Variants in MORC2 observed in about 807,000 individuals in gnomAD.
The protein encoded by MORC2 is ATPase MORC2.
In MORC2, 30 loss-of-function variants were observed where a neutral mutation model predicts 136.0. The ratio of observed to expected loss-of-function variants is 0.22; its 90% CI spans 0.17 to 0.30. The LOEUF is 0.30. MORC2 is among the 10% of genes least tolerant of loss of function. The pLI, the probability that MORC2 is intolerant of heterozygous loss-of-function variation, is 1.00. For missense variants in MORC2, 922 were observed against 1,333.1 expected (o/e 0.69, Z 4.80); for synonymous variants, 439 against 487.0 (o/e 0.90, Z 1.30).
chr22:30,957,174 T>A (rs2040979307), intron 2 of MORC2, among the ~76,000 whole-genome samples: 1 of 152,250 alleles, frequency 6.6e-6, no homozygotes, highest in Admixed American at 6.5e-5. Flanking sequence ...GATGTTCCAA[T>A]AACTTGTCCA....
At chr22:30,952,141 C>T (rs2040897408) in intron 3 of MORC2, among the ~76,000 whole-genome samples, 1 of 152,066 alleles carries the variant, frequency 6.6e-6, no homozygotes, top group Admixed American at 6.5e-5. Context: ...AGAATAAGTA[C>T]AATAAAAGTC....
intron 1 of MORC2, chr22:30,967,399 TTC>T (rs1260707380): frequency 6.1e-6 from 6 of 987,444 alleles, no homozygotes; most frequent in Non-Finnish European, 7.2e-6. Context: ...TTTAAATGTC[TTC>T]TGTTTTCTTG....
At chr22:30,949,963 C>G in intron 4 of MORC2, 121 bp from the exon 5 acceptor site, 1 of 849,486 alleles carries the variant, frequency 1.2e-6, no homozygotes, top group Non-Finnish European at 1.8e-6. Flanking sequence ...AAACCTCTCT[C>G]CAAGGAAATT....
At chr22:30,954,753 G>A (rs1388758734) in intron 3 of MORC2, among the ~76,000 whole-genome samples, 1 of 152,130 alleles carries the variant, frequency 6.6e-6, no homozygotes, top group Non-Finnish European at 1.5e-5. Context: ...TTTAAAAAAC[G>A]TCTTCCAAGT....
intron 3 of MORC2, among the ~76,000 whole-genome samples, chr22:30,955,866 C>T (rs1302629570): frequency 2.0e-5 from 3 of 151,800 alleles, no homozygotes; most frequent in Non-Finnish European, 2.9e-5. Flanking sequence ...AAAAATTAGC[C>T]GGGTGTGGTG....
chr22:30,967,640 G>A, intron 1 of MORC2, 182 bp downstream of exon 1: 1 of 1,385,928 alleles, frequency 7.2e-7, no homozygotes, highest in Non-Finnish European at 9.3e-7. Context: ...TTCTGGATTA[G>A]CAACAAGTAT....
At chr22:30,938,318 G>C in intron 12 of MORC2, 113 bp from the exon 13 acceptor site, 1 of 1,240,286 alleles carries the variant, frequency 8.1e-7, no homozygotes, top group Non-Finnish European at 1.1e-6. Flanking sequence ...CAAAAGTTTT[G>C]TATCTCTATT....
chr22:30,944,902 C>T (rs1473803818), intron 6 of MORC2, among the ~76,000 whole-genome samples: 3 of 152,240 alleles, frequency 2.0e-5, no homozygotes, highest in Non-Finnish European at 2.9e-5. Flanking sequence ...CCTAACCTTT[C>T]CAACCCAATC....
At chr22:30,967,206 A>G in intron 1 of MORC2, 2 of 985,618 alleles carry the variant, frequency 2.0e-6, no homozygotes, top group Middle Eastern at 5.2e-4. Flanking sequence ...TCCTTCATGA[A>G]CTCAAGAACC....
Position 30,937,486 on chromosome 22 carries a change from T to C in MORC2, c.1498+97A>G. ...GGATCCCTAGGGGACTGTAAGTCCA[T>C]GAATGTCAGTCAAGTTAGGAGGCTG... On this transcript the variant is annotated intron_variant, in intron 15 of 25. Transcript: ENST00000397641. This position sits in a 1 kb window ranked among gnomAD's most constrained non-coding sequence, Gnocchi z 4.7. 2.6e-6 allele frequency: 4 copies of C among 1,530,578 alleles called. 1 individual carries two copies. Among genetic ancestry groups the C allele is most frequent in the Non-Finnish European group, 3.5e-6 (4 of 1,135,690 alleles). 94.8% of individuals were successfully genotyped at this position (1,530,578 alleles called of 1,614,324 possible).
At chr22:30,950,337 G>GCGGGGGGGGGCCCCCC in intron 4 of MORC2, 40 bp downstream of exon 4, 1 of 761,758 alleles carries the variant, frequency 1.3e-6, no homozygotes, top group East Asian at 2.5e-5. Context: ...TGGTTACATC[G>GCGGGGGGGGGCCCCCC]CACCCCCCCA....
chr22:30,961,812 A>G (rs1010701259), intron 1 of MORC2, among the ~76,000 whole-genome samples: 1 of 152,196 alleles, frequency 6.6e-6, no homozygotes, highest in African/African-American at 2.4e-5. Flanking sequence ...TTAGCAATAC[A>G]TATTTTCCGA....
Position 30,934,846 on chromosome 22 carries a change from G to A in MORC2, c.2128C>T (p.Pro710Ser), listed in dbSNP as rs780648306. ...GGAGTCTTGATGACTTTGGGAGAAG[G>A]AACCTCCCGAGGGCTCTTGGAGTTG... The part of the protein sequence containing the change: ...LPNSKSPREV[P>S]SPKVIKTPVV... Residue 710 changes from proline to serine, a missense_variant, in exon 19 of 26, where the codon CCT becomes TCT. Pro to Ser is a moderately conservative substitution (Grantham distance 74). Transcript: ENST00000397641. The surrounding 1 kb of genome is among the most constrained non-coding windows in gnomAD (Gnocchi z 4.4). The A allele has an allele frequency of 1.2e-5, 20 of 1,614,042 alleles. No individual in the cohort carries two copies. In the Admixed American group the frequency reaches 2.8e-4, roughly 23 times the overall value.
chr22:30,940,523 T>C (rs1172873353), intron 10 of MORC2, among the ~76,000 whole-genome samples: 1 of 152,140 alleles, frequency 6.6e-6, no homozygotes, highest in Non-Finnish European at 1.5e-5. Context: ...GCCAAAGAGC[T>C]GACACTTTTA....
chr22:30,936,796 C>T (rs2147253440), intron 16 of MORC2, 136 bp downstream of exon 16: 2 of 1,285,904 alleles, frequency 1.6e-6, no homozygotes, highest in Admixed American at 4.2e-5. Flanking sequence ...GCAGGACATA[C>T]ATCTATTTTT....
Position 30,949,771 on chromosome 22 carries a change from A to C in MORC2, c.298T>G (p.Tyr100Asp). Reference protein sequence around the residue: ...RTPESTQIGQYGNGLKSGSMR... With the variant: ...RTPESTQIGQDGNGLKSGSMR... ...ACCTACGATTTTAACCCATTCCCGT[A>C]CTGCCCAATCTGAGTAGACTCAGGT... The change falls in exon 5 of 26, where the codon TAC (tyrosine) becomes GAC (aspartate). Residue 100 changes from tyrosine (Y) to aspartate (D), a missense_variant. Coordinates refer to ENST00000397641, the MANE Select transcript of MORC2 (RefSeq NM_001303256.3). 1 of 1,614,186 alleles carries C rather than the reference A, an allele frequency of 6.2e-7. No individual in the cohort carries two copies. The highest frequency in any genetic ancestry group is 8.5e-7 in the Non-Finnish European group (1 of 1,180,010).
At chr22:30,955,450 A>C (rs117928794) in intron 3 of MORC2, among the ~76,000 whole-genome samples, 67 of 152,334 alleles carry the variant, frequency 4.4e-4, no homozygotes, top group Non-Finnish European at 7.1e-4. Context: ...GCTCCAAAGT[A>C]TAGCAGACAT....
intron 1 of MORC2, among the ~76,000 whole-genome samples, chr22:30,965,475 TA>T (rs1439968227): frequency 6.6e-6 from 1 of 152,204 alleles, no homozygotes; most frequent in Non-Finnish European, 1.5e-5. Context: ...AAATTAGAAA[TA>T]AAAAACTTAT....
chr22:30,963,710 T>C (rs1377625834), intron 1 of MORC2, among the ~76,000 whole-genome samples: 1 of 152,176 alleles, frequency 6.6e-6, no homozygotes, highest in East Asian at 1.9e-4. Context: ...ATATCATTTG[T>C]GTCACAGTAT....
Sources: gnomAD v4.1 joint callset for allele counts (sites outside exome capture counted in the v4.1 genomes callset) on GRCh38, gnomAD v4.1.1 for gene constraint, Gnocchi (gnomAD v3.1) non-coding constraint, MANE v1.5 for transcripts, NCBI Gene and HGNC (gene_info 2026-07-23, HGNC 2026-07-21) for gene names.